Variants in PAG1 observed in about 807,000 individuals in gnomAD.
PAG1 encodes phosphoprotein associated with glycosphingolipid-enriched microdomains 1.
PAG1 carries 23 observed loss-of-function variants against 31.7 expected under a neutral mutation model. The observed-to-expected ratio is 0.73, with a 90% CI of 0.52 to 1.03. The LOEUF is 1.03. PAG1 is among the 50% of genes least tolerant of loss of function. The pLI, the probability that PAG1 is intolerant of heterozygous loss-of-function variation, is 0.00. For missense variants in PAG1, 473 were observed against 540.7 expected (o/e 0.87, Z 1.24); for synonymous variants, 214 against 210.3 (o/e 1.02, Z -0.15).
At chr8:81,080,214 A>G (rs915067780) in intron 1 of PAG1, among the ~76,000 whole-genome samples, 1 of 152,114 alleles carries the variant, frequency 6.6e-6, no homozygotes, top group African/African-American at 2.4e-5. Flanking sequence ...TGAAGGAGAT[A>G]TATTCTAGTT....
At chr8:80,989,836 G>C (rs1458013616) in intron 5 of PAG1, among the ~76,000 whole-genome samples, 1 of 152,132 alleles carries the variant, frequency 6.6e-6, no homozygotes, top group Non-Finnish European at 1.5e-5. Flanking sequence ...GAGCTCCCAG[G>C]TGCTGCTGCT....
At position 80,987,363 on chromosome 8, in the gene PAG1, A is replaced by C; in HGVS notation, c.274+7T>G. 1 of 1,591,596 alleles carries C rather than the reference A, an allele frequency of 6.3e-7. No individual in the cohort carries two copies. The highest frequency in any genetic ancestry group is 8.6e-7 in the Non-Finnish European group (1 of 1,159,538). ...GTGTGGAAAGCTGGTGTTTTTGCAG[A>C]ACTTACTGTCCCCATTGGTGAGTGC... On this transcript the variant is annotated splice_region_variant and intron_variant, in intron 6 of 8. Transcript: ENST00000220597.
At chr8:81,107,690 A>G (rs1380797023) in intron 1 of PAG1, among the ~76,000 whole-genome samples, 1 of 152,250 alleles carries the variant, frequency 6.6e-6, no homozygotes, top group Non-Finnish European at 1.5e-5. Flanking sequence ...TCTTATCCAG[A>G]AAGATAACCA....
In PAG1 at chr8:81,064,062, T is replaced by C. The variant is rs148503949; in HGVS notation, c.-175+6050A>G. ...TGGAACTGTTAATAAGAAGTCAACATGGTAGATTAGCTTACAAGATAGAAT... is the reference window on the plus strand; with the variant it reads ...TGGAACTGTTAATAAGAAGTCAACACGGTAGATTAGCTTACAAGATAGAAT... On this transcript the variant is annotated intron_variant, in intron 2 of 8. Transcript: ENST00000220597. Among the ~76,000 whole-genome samples, 6 of 152,256 alleles carry C rather than the reference T, an allele frequency of 3.9e-5. 1 individual carries two copies. The highest frequency in any genetic ancestry group is 1.4e-4 in the African/African-American group (6 of 41,530).
intron 2 of PAG1, among the ~76,000 whole-genome samples, chr8:81,030,417 C>A (rs1427170303): frequency 6.6e-6 from 1 of 152,200 alleles, no homozygotes; most frequent in East Asian, 1.9e-4. Context: ...GCCAAGTAAA[C>A]CTCTGTGTTA....
Position 80,969,415 on chromosome 8 carries a change from G to A in PAG1, c.*7129C>T, listed in dbSNP as rs1360252799. On this transcript the variant is annotated 3_prime_UTR_variant, in exon 9 of 9. Transcript: ENST00000220597. ...GAGAAGGGCACTGCTGTCTTTCAGGGAAGCCTTCACTACCTAAATGAGGAG... is the reference window on the plus strand; with the variant it reads ...GAGAAGGGCACTGCTGTCTTTCAGGAAAGCCTTCACTACCTAAATGAGGAG... 6.6e-6 allele frequency: 1 copy of A among 152,028 alleles called. No individual in the cohort carries two copies. The highest frequency in any genetic ancestry group is 1.5e-5 in the Non-Finnish European group (1 of 68,012). The allele number at this position is 152,028 out of a possible 1,614,324, so 9.4% of individuals were successfully genotyped here. A position where few individuals can be genotyped will look rare whatever the true frequency, so the allele number is the denominator to read the frequency against.
At chr8:80,983,089 T>C (rs1807341307) in intron 7 of PAG1, among the ~76,000 whole-genome samples, 1 of 152,190 alleles carries the variant, frequency 6.6e-6, no homozygotes, top group Admixed American at 6.5e-5. Context: ...GCTCTGGTTC[T>C]CTTTCTCCTC....
chr8:81,063,194 T>C (rs1403443606), intron 2 of PAG1, among the ~76,000 whole-genome samples: 1 of 152,200 alleles, frequency 6.6e-6, no homozygotes, highest in African/African-American at 2.4e-5. Context: ...GTGGGTCTCC[T>C]CTATTCGAGG....
At chr8:81,084,270 G>T (rs1056137581) in intron 1 of PAG1, among the ~76,000 whole-genome samples, 1 of 152,072 alleles carries the variant, frequency 6.6e-6, no homozygotes, top group Non-Finnish European at 1.5e-5. Flanking sequence ...CCTGGAAATA[G>T]AACAAATTTT....
chr8:81,048,985 G>C (rs1055857455), intron 2 of PAG1, among the ~76,000 whole-genome samples: 1 of 152,134 alleles, frequency 6.6e-6, no homozygotes, highest in Non-Finnish European at 1.5e-5. Context: ...TGTGATTCTG[G>C]CTAACGATTA....
Position 80,970,052 on chromosome 8 carries a change from G to A in PAG1, c.*6492C>T, listed in dbSNP as rs117714507. ...TTAGGCACTGTTTCCTGGGGGAGAG[G>A]GTGCAATGGCTTCATGGTGAAAACA... On this transcript the variant is annotated 3_prime_UTR_variant, in exon 9 of 9. Coordinates refer to ENST00000220597, the MANE Select transcript of PAG1 (RefSeq NM_018440.4). 5,019 of 152,198 alleles carry A rather than the reference G, an allele frequency of 0.033. 113 individuals are homozygous for A. The highest frequency in any genetic ancestry group is 0.087 in the South Asian group (421 of 4,812). 9.4% of individuals were successfully genotyped at this position (152,198 alleles called of 1,614,324 possible). A position where few individuals can be genotyped will look rare whatever the true frequency, so the allele number is the denominator to read the frequency against.
At chr8:81,080,501 C>A (rs554181859) in intron 1 of PAG1, among the ~76,000 whole-genome samples, 69 of 152,190 alleles carry the variant, frequency 4.5e-4, no homozygotes, top group African/African-American at 1.6e-3. Context: ...CAATAAAAAC[C>A]AGCTGATGGT....
chr8:81,087,341 CAAAA>C (rs34830995), intron 1 of PAG1, among the ~76,000 whole-genome samples: 7 of 98,276 alleles, frequency 7.1e-5, no homozygotes, highest in Non-Finnish European at 6.4e-5. Flanking sequence ...GACTCTGTCT[CAAAA>C]AAAAAAAAAA....
rs566071654 is a variant in PAG1, at chr8:81,042,552, G to A, written c.-174-12463C>T. ...TTGGAGGTGCTTATCTGATTTGGAC[G>A]TCATTTTCTTCTATGAGTTCCCTTT... On this transcript the variant is annotated intron_variant, in intron 2 of 8. Coordinates refer to ENST00000220597, the MANE Select transcript of PAG1 (RefSeq NM_018440.4). Among the ~76,000 whole-genome samples the A allele has an allele frequency of 2.0e-5, 3 of 152,036 alleles. No homozygotes were observed. In the East Asian group the frequency reaches 5.8e-4, roughly 29 times the overall value.
intron 8 of PAG1, 23 bp from the exon 9 acceptor site, chr8:80,976,929 A>G (rs909634723): frequency 2.5e-6 from 4 of 1,572,920 alleles, no homozygotes; most frequent in Non-Finnish European, 3.4e-6. Context: ...GGGAGAGTTG[A>G]ATAAACTTCC....
chr8:81,110,668 T>C (rs1022623320), intron 1 of PAG1, among the ~76,000 whole-genome samples: 5 of 152,264 alleles, frequency 3.3e-5, no homozygotes, highest in African/African-American at 1.2e-4. Context: ...GTCCTCTGCA[T>C]GCTCTCTGCA....
At chr8:81,079,264 T>A (rs1809227575) in intron 1 of PAG1, among the ~76,000 whole-genome samples, 1 of 152,096 alleles carries the variant, frequency 6.6e-6, no homozygotes, top group African/African-American at 2.4e-5. Flanking sequence ...ATGCCCAGCC[T>A]GGAAGGTCAT....
chr8:81,066,677 C>G (rs1490498866), intron 2 of PAG1, among the ~76,000 whole-genome samples: 1 of 152,008 alleles, frequency 6.6e-6, no homozygotes. Context: ...CTCAGAATAT[C>G]AAGAGTCATC....
At chr8:81,089,946 T>A (rs1224368601) in intron 1 of PAG1, among the ~76,000 whole-genome samples, 2 of 152,218 alleles carry the variant, frequency 1.3e-5, no homozygotes, top group African/African-American at 2.4e-5. Context: ...TGATCCTATA[T>A]TGAGTCTCTC....
Sources: allele counts gnomAD v4.1 joint callset (sites outside exome capture counted in the v4.1 genomes callset), GRCh38; gene constraint gnomAD v4.1.1; transcripts MANE v1.5; gene names NCBI Gene and HGNC (gene_info 2026-07-23, HGNC 2026-07-21).